DOT1L: variants seen among roughly 807,000 people sequenced by gnomAD.
The protein encoded by DOT1L is histone-lysine N-methyltransferase, H3 lysine-79 specific.
A neutral mutation model predicts 153.3 loss-of-function variants in DOT1L; 33 were observed. That is an observed-to-expected ratio of 0.22 (90% CI 0.16 to 0.29). The LOEUF (loss-of-function observed/expected upper bound fraction) is 0.29, where lower values mean the gene tolerates loss of function less well. Among genes scored for constraint, DOT1L ranks in the 10% least tolerant of loss-of-function variants. DOT1L has a pLI of 1.00. For synonymous variants in DOT1L, 1,135 were observed against 965.1 expected (o/e 1.18, Z -3.26); for missense variants, 1,847 against 2,119.9 (o/e 0.87, Z 2.53).
rs1237747619 is a variant in DOT1L at position 2,224,878 on chromosome 19, AG to A, written c.3597-509del. 1.6e-4 allele frequency among the ~76,000 whole-genome samples: 24 copies of A among 152,288 alleles called. No homozygotes were observed. The East Asian group carries it at 4.6e-3, about 29-fold the overall frequency. ...GTTTTGCATTGGGATTGCTCAGCTTAGTGGTTTCCAGGATCTTTAGGAATTT... is the reference window on the plus strand; with the variant it reads ...GTTTTGCATTGGGATTGCTCAGCTTATGGTTTCCAGGATCTTTAGGAATTT... On this transcript the variant is annotated intron_variant, in intron 25 of 27. Transcript: ENST00000398665.
chr19:2,228,203 C>T lies in DOT1L; in HGVS notation c.4606+1076C>T, dbSNP rs766081061. On this transcript the variant is annotated intron_variant, in intron 27 of 27. Transcript: ENST00000398665. Reference sequence around the variant, plus strand: ...GCGCCCGCCCCTCCTTCACGGTGCACCACCAGCCCCTGCCCCGGCTGGCCC... The same window carrying T: ...GCGCCCGCCCCTCCTTCACGGTGCATCACCAGCCCCTGCCCCGGCTGGCCC... 4 of 1,364,574 alleles carry T rather than the reference C, an allele frequency of 2.9e-6. No homozygotes were observed. In the African/African-American group the frequency reaches 4.4e-5, roughly 15 times the overall value. 84.5% of individuals were successfully genotyped at this position (1,364,574 alleles called of 1,614,324 possible). A position where few individuals can be genotyped will look rare whatever the true frequency, so the allele number is the denominator to read the frequency against.
Position 2,207,382 on chromosome 19 carries a change from G to C in DOT1L, c.857-192G>C, listed in dbSNP as rs1253495334. Reference sequence around the variant, plus strand: ...GTTTTTCTGAGGTTGGAGGGGCCCAGGCCAGGTGGTGTTGAATGGTGCACC... The same window carrying C: ...GTTTTTCTGAGGTTGGAGGGGCCCACGCCAGGTGGTGTTGAATGGTGCACC... On this transcript the variant is annotated intron_variant, in intron 10 of 27. Coordinates refer to ENST00000398665, the MANE Select transcript of DOT1L (RefSeq NM_032482.3). This position sits in a 1 kb window ranked among gnomAD's most constrained non-coding sequence, Gnocchi z 4.5. 6.6e-6 allele frequency among the ~76,000 whole-genome samples: 1 copy of C among 152,308 alleles called. No individual in the cohort carries two copies. Among genetic ancestry groups the C allele is most frequent in the Middle Eastern group, 3.4e-3 (1 of 294 alleles).
At position 2,217,498 on chromosome 19, in the gene DOT1L, T is replaced by C. The variant is rs2023951075; in HGVS notation, c.2545-274T>C. The stretch of plus-strand genomic sequence containing the variant: ...TGATGGATGTGGGCCCTGGGAGGCT[T>C]GGTGGCCCCACGGGTGACTGCCCAC... On this transcript the variant is annotated intron_variant, in intron 21 of 27. Coordinates refer to ENST00000398665, the MANE Select transcript of DOT1L (RefSeq NM_032482.3). The surrounding 1 kb of genome is among the most constrained non-coding windows in gnomAD (Gnocchi z 7.3). Among the ~76,000 whole-genome samples, 1 of 151,968 alleles carries C rather than the reference T, an allele frequency of 6.6e-6. No individual in the cohort carries two copies.
intron 27 of DOT1L, chr19:2,228,315 G>A: frequency 7.4e-7 from 1 of 1,342,824 alleles, no homozygotes. Context: ...GCCTCCCTAT[G>A]CCGCGCACCT....
Position 2,223,370 on chromosome 19 carries a change from C to T in DOT1L, c.3480C>T (p.His1160=), listed in dbSNP as rs199670595. 66 of 1,613,862 alleles carry T rather than the reference C, an allele frequency of 4.1e-5. No individual in the cohort carries two copies. Among genetic ancestry groups the T allele is most frequent in the Non-Finnish European group, 5.4e-5 (64 of 1,180,012 alleles). Residue 1160 remains histidine, a synonymous_variant, in exon 25 of 28, where the codon CAC becomes CAT. Transcript: ENST00000398665. ...LKSSPVPYQD[H]DQPPVLKKER... Reference sequence around the variant, plus strand: ...GCTCCCCTGTGCCCTACCAGGACCACGACCAGCCCCCCGTGCTCAAGAAGG... The same window carrying T: ...GCTCCCCTGTGCCCTACCAGGACCATGACCAGCCCCCCGTGCTCAAGAAGG...
At chr19:2,198,005 C>A (rs941869194) in intron 7 of DOT1L, among the ~76,000 whole-genome samples, 1 of 152,212 alleles carries the variant, frequency 6.6e-6, no homozygotes, top group Non-Finnish European at 1.5e-5. Flanking sequence ...ACCAGGGAGG[C>A]TCCTAGAGAC....
chr19:2,213,995 C>G lies in DOT1L; in HGVS notation c.1797+9C>G. 6.2e-7 allele frequency: 1 copy of G among 1,611,530 alleles called. No individual in the cohort carries two copies. Among genetic ancestry groups the G allele is most frequent in the Non-Finnish European group, 8.5e-7 (1 of 1,179,284 alleles). Reference sequence around the variant, plus strand: ...GCCAGAGCTTGCAGCTGGTGGGTGCCGCGGCGCAAGGACAGGGACGTGGAA... The same window carrying G: ...GCCAGAGCTTGCAGCTGGTGGGTGCGGCGGCGCAAGGACAGGGACGTGGAA... On this transcript the variant is annotated intron_variant, in intron 18 of 27. Coordinates refer to ENST00000398665, the MANE Select transcript of DOT1L (RefSeq NM_032482.3).
At chr19:2,201,241 C>G (rs112084748) in intron 8 of DOT1L, among the ~76,000 whole-genome samples, 14 of 145,192 alleles carry the variant, frequency 9.6e-5, no homozygotes, top group African/African-American at 1.3e-4. Flanking sequence ...ATTCCTCGTC[C>G]TCCCCTCATT....
In DOT1L at chr19:2,207,387, G is replaced by C. The variant is rs77825851; in HGVS notation, c.857-187G>C. 0.027 allele frequency among the ~76,000 whole-genome samples: 4,101 copies of C among 152,320 alleles called. 87 individuals are homozygous for C. Among genetic ancestry groups the C allele is most frequent in the South Asian group, 0.046 (224 of 4,828 alleles). On this transcript the variant is annotated intron_variant, in intron 10 of 27. Transcript: ENST00000398665. This position sits in a 1 kb window ranked among gnomAD's most constrained non-coding sequence, Gnocchi z 4.5. Reference sequence around the variant, plus strand: ...TCTGAGGTTGGAGGGGCCCAGGCCAGGTGGTGTTGAATGGTGCACCTCCCT... The same window carrying C: ...TCTGAGGTTGGAGGGGCCCAGGCCACGTGGTGTTGAATGGTGCACCTCCCT...
Position 2,223,354 on chromosome 19 carries a change from T to C in DOT1L, c.3464T>C (p.Val1155Ala). ...GAGACCTCCCTGAAGAGCTCCCCTG[T>C]GCCCTACCAGGACCACGACCAGCCC... ...SPETSLKSSP[V>A]PYQDHDQPPV... Residue 1155 changes from valine to alanine, a missense_variant, in exon 25 of 28, where the codon GTG (valine) becomes GCG (alanine). Val to Ala is a moderately conservative substitution (Grantham distance 64). Around this residue, in one of 8 missense-constraint regions of DOT1L, gnomAD observed 934 missense variants for 825.3 expected, o/e 1.13. Coordinates refer to ENST00000398665, the MANE Select transcript of DOT1L (RefSeq NM_032482.3). 1 of 1,613,738 alleles carries C rather than the reference T, an allele frequency of 6.2e-7. No individual in the cohort carries two copies.
chr19:2,227,741 CT>C, intron 27 of DOT1L: 2 of 1,316,896 alleles, frequency 1.5e-6, no homozygotes, highest in Non-Finnish European at 1.0e-6. Context: ...TTGCAGGTGT[CT>C]TTAACCACGC....
intron 25 of DOT1L, among the ~76,000 whole-genome samples, chr19:2,224,107 C>T (rs754759450): frequency 1.3e-5 from 2 of 152,222 alleles, no homozygotes; most frequent in Non-Finnish European, 2.9e-5. Flanking sequence ...TCTCACTGAG[C>T]GTGACGTCCT....
chr19:2,207,519 G>T lies in DOT1L; in HGVS notation c.857-55G>T. 4.6e-6 allele frequency: 7 copies of T among 1,508,624 alleles called. No individual in the cohort carries two copies. Among genetic ancestry groups the T allele is most frequent in the Non-Finnish European group, 6.3e-6 (7 of 1,106,558 alleles). 93.5% of individuals were successfully genotyped at this position (1,508,624 alleles called of 1,614,324 possible). ...GCCTGCCCTGGGGTGGGTGAGGTCTGCATGGAGGGGCTGTGGGCAGGCGCA... is the reference window on the plus strand; with the variant it reads ...GCCTGCCCTGGGGTGGGTGAGGTCTTCATGGAGGGGCTGTGGGCAGGCGCA... On this transcript the variant is annotated intron_variant, in intron 10 of 27. Transcript: ENST00000398665. This position sits in a 1 kb window ranked among gnomAD's most constrained non-coding sequence, Gnocchi z 4.5.
At chr19:2,201,031 GCATTCCT>G (rs2023251071) in intron 8 of DOT1L, among the ~76,000 whole-genome samples, 1 of 71,606 alleles carries the variant, frequency 1.4e-5, no homozygotes, top group Non-Finnish European at 2.8e-5. Flanking sequence ...CGTCCTCCCC[GCATTCCT>G]CGTCCTCCCC....
intron 3 of DOT1L, among the ~76,000 whole-genome samples, chr19:2,187,796 C>T (rs1016578948): frequency 5.9e-5 from 9 of 152,054 alleles, no homozygotes; most frequent in Non-Finnish European, 1.3e-4. Flanking sequence ...GTGGCGGGTG[C>T]CTGTAGTCCC....
Position 2,217,655 on chromosome 19 carries a change from T to A in DOT1L, c.2545-117T>A. The A allele has an allele frequency of 7.0e-7, 1 of 1,436,426 alleles. No homozygotes were observed. The highest frequency in any genetic ancestry group is 9.3e-7 in the Non-Finnish European group (1 of 1,071,720). The allele number at this position is 1,436,426 out of a possible 1,614,324, so 89.0% of individuals were successfully genotyped here. On this transcript the variant is annotated intron_variant, in intron 21 of 27. Transcript: ENST00000398665. The surrounding 1 kb of genome is among the most constrained non-coding windows in gnomAD (Gnocchi z 7.3). ...CTGCGTGGGGAAGGTTGCAGGGCCT[T>A]GGCAGCGTGGGGGCCGCCTTGAGAG...
intron 16 of DOT1L, chr19:2,212,115 C>T (rs1225964621): frequency 5.0e-6 from 2 of 398,264 alleles, no homozygotes; most frequent in African/African-American, 2.1e-5. Flanking sequence ...AAGCAACCTT[C>T]CCCCTAGTGC....
chr19:2,184,907 G>C (rs926332041), intron 2 of DOT1L, among the ~76,000 whole-genome samples: 1 of 152,182 alleles, frequency 6.6e-6, no homozygotes, highest in African/African-American at 2.4e-5. Flanking sequence ...GTGTTGGTCA[G>C]GGATGTTGGT....
rs2024614032 is a variant in DOT1L at position 2,231,883 on chromosome 19, A to G, written c.*2091A>G. On this transcript the variant is annotated 3_prime_UTR_variant, in exon 28 of 28. Transcript: ENST00000398665. The stretch of plus-strand genomic sequence containing the variant: ...ACGCAGGCCACCGTATGTTCAGGAC[A>G]CGCACTGGGTCTCAGAGCCACTGGC... 1 of 220,148 alleles carries G rather than the reference A, an allele frequency of 4.5e-6. No individual in the cohort carries two copies. The highest frequency in any genetic ancestry group is 9.1e-6 in the Non-Finnish European group (1 of 109,746). 13.6% of individuals were successfully genotyped at this position (220,148 alleles called of 1,614,324 possible). A position where few individuals can be genotyped will look rare whatever the true frequency, so the allele number is the denominator to read the frequency against.
Sources: allele counts gnomAD v4.1 joint callset (sites outside exome capture counted in the v4.1 genomes callset), GRCh38; gene constraint gnomAD v4.1.1; regional missense constraint gnomAD v4.1.1; non-coding constraint Gnocchi (gnomAD v3.1); transcripts MANE v1.5; gene names NCBI Gene and HGNC (gene_info 2026-07-23, HGNC 2026-07-21).